SNTG1: variants seen among roughly 807,000 people sequenced by gnomAD.
SNTG1 encodes the protein syntrophin gamma 1.
In SNTG1, 39 loss-of-function variants were observed where a neutral mutation model predicts 74.7. The observed-to-expected ratio is 0.52, with a 90% CI of 0.40 to 0.68. SNTG1 has a LOEUF of 0.68. Ranked by LOEUF, SNTG1 falls within the 30% of genes least tolerant of loss-of-function variation. The pLI is 0.00. For missense variants in SNTG1, 685 were observed against 609.5 expected, an observed-to-expected ratio of 1.12 and a Z score of -1.30; for synonymous variants, 254 against 217.1, an observed-to-expected ratio of 1.17 and a Z score of -1.49.
chr8:50,017,492 A>C (rs1816431109), intron 1 of SNTG1, among the ~76,000 whole-genome samples: 1 of 152,024 alleles, frequency 6.6e-6, no homozygotes, highest in Non-Finnish European at 1.5e-5. Flanking sequence ...ATGGATAAAA[A>C]ATAAATATGA....
chr8:50,604,128 T>G (rs2094794844), intron 13 of SNTG1, among the ~76,000 whole-genome samples: 1 of 152,254 alleles, frequency 6.6e-6, no homozygotes, highest in African/African-American at 2.4e-5. Context: ...GTCAAAAACC[T>G]TAGAAATCTA....
chr8:49,922,222 T>C (rs2129344741), intron 1 of SNTG1, among the ~76,000 whole-genome samples: 1 of 152,256 alleles, frequency 6.6e-6, no homozygotes, highest in South Asian at 2.1e-4. Flanking sequence ...AGTTTGCTTT[T>C]GTCTGATACT....
At chr8:50,769,773 A>C (rs2131778898) in intron 18 of SNTG1, among the ~76,000 whole-genome samples, 1 of 152,222 alleles carries the variant, frequency 6.6e-6, no homozygotes, top group South Asian at 2.1e-4. Context: ...TGAGAAGAAC[A>C]GTGTAAACCT....
intron 5 of SNTG1, among the ~76,000 whole-genome samples, chr8:50,448,147 C>T (rs1482274803): frequency 2.0e-5 from 3 of 152,102 alleles, no homozygotes; most frequent in African/African-American, 4.8e-5. Context: ...AGTAACTTCC[C>T]CCACAGAGCT....
At chr8:50,200,258 C>T (rs866617576) in intron 2 of SNTG1, among the ~76,000 whole-genome samples, 2 of 152,092 alleles carry the variant, frequency 1.3e-5, no homozygotes. Context: ...TTCCAAGGGT[C>T]GCATTGAGCA....
chr8:50,306,877 C>A (rs543532597), intron 2 of SNTG1, among the ~76,000 whole-genome samples: 2 of 151,776 alleles, frequency 1.3e-5, no homozygotes, highest in East Asian at 1.9e-4. Context: ...CATGCGGAAG[C>A]TTTCTAATGT....
intron 12 of SNTG1, among the ~76,000 whole-genome samples, chr8:50,574,694 T>C (rs1337782054): frequency 6.6e-6 from 1 of 152,092 alleles, no homozygotes; most frequent in Non-Finnish European, 1.5e-5. Flanking sequence ...AGATGTTTGG[T>C]TTTTTTGTGT....
intron 2 of SNTG1, among the ~76,000 whole-genome samples, chr8:50,342,044 T>TA (rs2091333088): frequency 1.3e-5 from 2 of 152,088 alleles, no homozygotes; most frequent in Non-Finnish European, 2.9e-5. Context: ...TGGATGGCTG[T>TA]AAAAATGGCA....
intron 15 of SNTG1, among the ~76,000 whole-genome samples, chr8:50,673,862 G>A (rs546928505): frequency 1.3e-5 from 2 of 152,036 alleles, no homozygotes; most frequent in South Asian, 4.1e-4. Context: ...TCAATACCTA[G>A]TTTATTGAGA....
At chr8:50,048,014 T>G (rs1400474917) in intron 1 of SNTG1, among the ~76,000 whole-genome samples, 1 of 152,170 alleles carries the variant, frequency 6.6e-6, no homozygotes, top group South Asian at 2.1e-4. Context: ...GGAATGGACT[T>G]ATTTGAGAAC....
chr8:49,954,514 G>A (rs923832371), intron 1 of SNTG1, among the ~76,000 whole-genome samples: 6 of 152,098 alleles, frequency 3.9e-5, no homozygotes, highest in Admixed American at 1.3e-4. Flanking sequence ...GTACTCAAAA[G>A]CAATACTTGA....
At chr8:50,256,804 CTG>C (rs1213163436) in intron 2 of SNTG1, among the ~76,000 whole-genome samples, 16 of 141,448 alleles carry the variant, frequency 1.1e-4, no homozygotes, top group African/African-American at 3.9e-4. Flanking sequence ...GTGTGTGTGT[CTG>C]TGTGTGTGTA....
intron 13 of SNTG1, among the ~76,000 whole-genome samples, chr8:50,625,740 T>TAGCG (rs1439270606): frequency 1.3e-5 from 2 of 152,200 alleles, no homozygotes; most frequent in Non-Finnish European, 2.9e-5. Context: ...TCCAATTCAT[T>TAGCG]AGCGAATATT....
intron 17 of SNTG1, among the ~76,000 whole-genome samples, chr8:50,738,179 T>C (rs991065401): frequency 5.9e-5 from 9 of 152,062 alleles, no homozygotes; most frequent in African/African-American, 2.2e-4. Flanking sequence ...CAGACCAATA[T>C]CTCCTTAAGC....
chr8:50,625,655 GAATACTTTA>G (rs1046426691), intron 13 of SNTG1, among the ~76,000 whole-genome samples: 1 of 152,136 alleles, frequency 6.6e-6, no homozygotes, highest in African/African-American at 2.4e-5. Flanking sequence ...AAAAGTAAAT[GAATACTTTA>G]AATACTCTTA....
intron 13 of SNTG1, among the ~76,000 whole-genome samples, chr8:50,601,440 C>T (rs986230517): frequency 2.6e-5 from 4 of 152,078 alleles, no homozygotes; most frequent in African/African-American, 9.6e-5. Context: ...TCTAAAATTC[C>T]TCTTGTTATT....
chr8:50,092,334 A>C (rs532566138), intron 1 of SNTG1, among the ~76,000 whole-genome samples: 70 of 152,306 alleles, frequency 4.6e-4, no homozygotes, highest in African/African-American at 1.6e-3. Flanking sequence ...TTTGAGAGCC[A>C]CTGAGGCAGC....
chr8:50,349,869 G>T (rs2091595816), intron 2 of SNTG1, among the ~76,000 whole-genome samples: 2 of 152,144 alleles, frequency 1.3e-5, no homozygotes, highest in Admixed American at 1.3e-4. Context: ...CCCCTTTCTG[G>T]GCTGGCCAAG....
intron 12 of SNTG1, among the ~76,000 whole-genome samples, chr8:50,566,602 A>G (rs2094517925): frequency 6.6e-6 from 1 of 152,068 alleles, no homozygotes; most frequent in Admixed American, 6.6e-5. Context: ...GGGAAGCATT[A>G]CAAGCAACCA....
Sources: gnomAD v4.1 joint callset for allele counts (sites outside exome capture counted in the v4.1 genomes callset) on GRCh38, gnomAD v4.1.1 for gene constraint, MANE v1.5 for transcripts, NCBI Gene and HGNC (gene_info 2026-07-23, HGNC 2026-07-21) for gene names.